The following MLKL variants were observed in gnomAD, a reference collection of about 807,000 sequenced individuals.
MLKL encodes the protein mixed lineage kinase domain-like protein.
A neutral mutation model predicts 56.5 loss-of-function variants in MLKL; 55 were observed. The observed-to-expected ratio is 0.97, with a 90% confidence interval of 0.78 to 1.22. MLKL has a LOEUF of 1.22. Ranked by LOEUF, MLKL falls within the 50% of genes most tolerant of loss-of-function variation. The pLI, the probability that MLKL is intolerant of heterozygous loss-of-function variation, is 0.00. For missense variants in MLKL, 694 were observed against 573.9 expected (o/e 1.21, Z -2.14); for synonymous variants, 251 against 208.3 (o/e 1.20, Z -1.76).
chr16:74,683,557 G>A (rs943805207), intron 5 of MLKL, among the ~76,000 whole-genome samples: 12 of 147,742 alleles, frequency 8.1e-5, no homozygotes, highest in African/African-American at 1.8e-4. Context: ...TTGTACCACC[G>A]CACTCCAGCC....
At chr16:74,681,801 A>C (rs1959989218) in intron 6 of MLKL, among the ~76,000 whole-genome samples, 1 of 152,022 alleles carries the variant, frequency 6.6e-6, no homozygotes. Flanking sequence ...CTCAAGAAGA[A>C]AAAAAAAGAA....
In MLKL at chr16:74,675,108, T is replaced by A; in HGVS notation, c.1241-8A>T. Reference sequence around the variant, plus strand: ...TCTTCTCAGAATTACAGCCTGGAAATGATAGCATGAGAGCCTCAAAAAATT... The same window carrying A: ...TCTTCTCAGAATTACAGCCTGGAAAAGATAGCATGAGAGCCTCAAAAAATT... On this transcript the variant is annotated splice_polypyrimidine_tract_variant and splice_region_variant and intron_variant, in intron 9 of 10. Coordinates refer to ENST00000308807, the MANE Select transcript of MLKL (RefSeq NM_152649.4). 6.2e-7 allele frequency: 1 copy of A among 1,613,718 alleles called. No homozygotes were observed. Among genetic ancestry groups the A allele is most frequent in the South Asian group, 1.1e-5 (1 of 91,008 alleles).
intron 5 of MLKL, 41 bp from the exon 6 acceptor site, chr16:74,682,827 T>A: frequency 6.2e-7 from 1 of 1,609,556 alleles, no homozygotes; most frequent in Non-Finnish European, 8.5e-7. Context: ...CCCGCCCTAC[T>A]TGAAGCTTCC....
chr16:74,697,577 C>G (rs548177434), intron 1 of MLKL, among the ~76,000 whole-genome samples: 2 of 152,256 alleles, frequency 1.3e-5, no homozygotes, highest in East Asian at 3.9e-4. Context: ...GTAGTTCATA[C>G]CCGTAATCCC....
chr16:74,699,893 G>A (rs1157152653), intron 1 of MLKL, among the ~76,000 whole-genome samples: 1 of 152,108 alleles, frequency 6.6e-6, no homozygotes, highest in African/African-American at 2.4e-5. Context: ...AGTGAGCTAT[G>A]ATTGTGCCAC....
intron 2 of MLKL, among the ~76,000 whole-genome samples, chr16:74,693,162 A>G (rs1960778591): frequency 6.6e-6 from 1 of 152,122 alleles, no homozygotes; most frequent in Admixed American, 6.6e-5. Flanking sequence ...TCATAAAGAT[A>G]TCTTGAAATA....
rs200671143 is a variant in MLKL, at chr16:74,695,272, C to T, written c.460+26G>A. The stretch of plus-strand genomic sequence containing the variant: ...ACTAAAATGCATTCAACTGCACTCC[C>T]ACTCCCCACCAAAGACCCAGCTTGC... On this transcript the variant is annotated intron_variant, in intron 2 of 10. Coordinates refer to ENST00000308807, the MANE Select transcript of MLKL (RefSeq NM_152649.4). The T allele has an allele frequency of 1.9e-6, 3 of 1,605,328 alleles. No homozygotes were observed. In the East Asian group the frequency reaches 6.7e-5, roughly 36 times the overall value.
intron 3 of MLKL, 91 bp from the exon 4 acceptor site, chr16:74,691,554 T>A: frequency 7.3e-7 from 1 of 1,367,796 alleles, no homozygotes; most frequent in Non-Finnish European, 1.0e-6. Flanking sequence ...GATGTGTGAG[T>A]GGGAAGCTCT....
intron 7 of MLKL, 81 bp from the exon 8 acceptor site, chr16:74,675,845 A>G (rs1464920688): frequency 3.6e-6 from 5 of 1,404,462 alleles, no homozygotes; most frequent in African/African-American, 1.4e-5. Flanking sequence ...GCTACACACA[A>G]TTGCCAGGGA....
At chr16:74,682,906 C>T in intron 5 of MLKL, 120 bp from the exon 6 acceptor site, 1 of 1,199,440 alleles carries the variant, frequency 8.3e-7, no homozygotes, top group African/African-American at 1.5e-5. Flanking sequence ...TCCCATTTCT[C>T]CCCCAATCCT....
chr16:74,680,488 TTTTTTTGTTTTTG>T (rs1050221081), intron 6 of MLKL, among the ~76,000 whole-genome samples: 4 of 151,562 alleles, frequency 2.6e-5, no homozygotes, highest in African/African-American at 9.7e-5. Context: ...TTTTTTTTTG[TTTTTTTGTTTTTG>T]TTTTTTGTTT....
chr16:74,681,584 G>C (rs1567605521), intron 6 of MLKL, among the ~76,000 whole-genome samples: 2 of 151,526 alleles, frequency 1.3e-5, no homozygotes, highest in Admixed American at 1.3e-4. Context: ...ATGAGGTCAG[G>C]AGATCGATAC....
chr16:74,680,105 C>T (rs1388011566), intron 6 of MLKL, among the ~76,000 whole-genome samples: 2 of 152,250 alleles, frequency 1.3e-5, no homozygotes, highest in East Asian at 3.9e-4. Context: ...AACTCGTGGG[C>T]ACTTTCAGCT....
intron 10 of MLKL, among the ~76,000 whole-genome samples, chr16:74,674,325 G>C (rs1467004029): frequency 6.6e-6 from 1 of 151,814 alleles, no homozygotes; most frequent in East Asian, 1.9e-4. Context: ...GCTAATTTTT[G>C]GGTTTTTAAT....
At position 74,700,850 on chromosome 16, in the gene MLKL, C is replaced by A. The variant is rs1346258478; in HGVS notation, c.-400G>T. 6.6e-6 allele frequency: 1 copy of A among 152,368 alleles called. No individual in the cohort carries two copies. The highest frequency in any genetic ancestry group is 2.4e-5 in the African/African-American group (1 of 41,462). The allele number at this position is 152,368 out of a possible 1,614,324, so 9.4% of individuals were successfully genotyped here. A position where few individuals can be genotyped will look rare whatever the true frequency, so the allele number is the denominator to read the frequency against. On this transcript the variant is annotated 5_prime_UTR_variant, in exon 1 of 11. Coordinates refer to ENST00000308807, the MANE Select transcript of MLKL (RefSeq NM_152649.4). ...CCTCCGACGTGGCTCCAGCTGCCAA[C>A]CACCAGGCTCACGGTGCCCTGGCTC...
At chr16:74,695,828 G>T in intron 1 of MLKL, 69 bp from the exon 2 acceptor site, 1 of 1,359,912 alleles carries the variant, frequency 7.4e-7, no homozygotes, top group Non-Finnish European at 9.9e-7. Context: ...GGCTAAGAAA[G>T]AATCAAAGCG....
chr16:74,675,954 G>T, intron 7 of MLKL, 190 bp from the exon 8 acceptor site: 1 of 615,718 alleles, frequency 1.6e-6, no homozygotes, highest in South Asian at 2.3e-5. Flanking sequence ...ACAGTGCAGT[G>T]ACCAAGAGAA....
intron 7 of MLKL, chr16:74,676,513 C>T: frequency 1.0e-6 from 1 of 968,582 alleles, no homozygotes; most frequent in African/African-American, 1.8e-5. Flanking sequence ...CACACGTTTC[C>T]TGAGCACTGA....
chr16:74,674,723 A>G (rs1488989826), intron 10 of MLKL, among the ~76,000 whole-genome samples: 2 of 152,110 alleles, frequency 1.3e-5, no homozygotes, highest in African/African-American at 4.8e-5. Context: ...AATTACAGGC[A>G]TGAGCAACCG....
Sources: allele counts gnomAD v4.1 joint callset (sites outside exome capture counted in the v4.1 genomes callset), GRCh38; gene constraint gnomAD v4.1.1; transcripts MANE v1.5; gene names NCBI Gene and HGNC (gene_info 2026-07-23, HGNC 2026-07-21).